Variants in CTBP1 observed in about 807,000 individuals in gnomAD.
The protein encoded by CTBP1 is C-terminal-binding protein 1.
Under a neutral mutation model 42.1 loss-of-function variants are expected in CTBP1, and 11 were observed. That is an observed-to-expected ratio of 0.26 (90% CI 0.16 to 0.43). CTBP1 has a LOEUF of 0.43. Among genes scored for constraint, CTBP1 ranks in the 20% least tolerant of loss-of-function variants. The pLI is 1.00. For synonymous variants in CTBP1, 324 were observed against 277.1 expected (o/e 1.17, Z -1.68); for missense variants, 399 against 624.3 (o/e 0.64, Z 3.85).
intron 5 of CTBP1, chr4:1,216,899 C>T (rs1199874475): frequency 6.5e-6 from 1 of 154,376 alleles, no homozygotes; most frequent in Non-Finnish European, 1.4e-5. Flanking sequence ...AACAGCATGG[C>T]TGCAAAGGAC....
Position 1,212,312 on chromosome 4 carries a change from CG to C in CTBP1, c.1217del (p.Pro406ArgfsTer96). 2.4e-6 allele frequency: 1 copy of C among 419,708 alleles called. No homozygotes were observed. The highest frequency in any genetic ancestry group is 4.4e-6 in the Non-Finnish European group (1 of 227,922). 26.0% of individuals were successfully genotyped at this position (419,708 alleles called of 1,614,324 possible). On this transcript the variant is annotated frameshift_variant, in exon 10 of 10. Coordinates refer to ENST00000382952, the MANE Select transcript of CTBP1 (RefSeq NM_001012614.2). LOFTEE classifies it high-confidence loss of function. ...LSHGLPPVAHPPHAPSPGQTV... is the reference protein window; with the variant it reads ...LSHGLPPVAHXPHAPSPGQTV... ...TTTGGCCAGGAGAAGGGGCGTGGGGCGGGTGGGCCACAGGGGGCAGGCCGTG... is the reference window on the plus strand; with the variant it reads ...TTTGGCCAGGAGAAGGGGCGTGGGGCGGTGGGCCACAGGGGGCAGGCCGTG...
chr4:1,233,481 C>T lies in CTBP1; in HGVS notation c.162+4702G>A, dbSNP rs549705480. ...CTGTGCCCTCCCGGAGCCGCCCTGCCGCTCCAGGCCCCGCAGCCCACACCG... is the reference window on the plus strand; with the variant it reads ...CTGTGCCCTCCCGGAGCCGCCCTGCTGCTCCAGGCCCCGCAGCCCACACCG... On this transcript the variant is annotated intron_variant, in intron 3 of 9. Transcript: ENST00000382952. This position sits in a 1 kb window ranked among gnomAD's most constrained non-coding sequence, Gnocchi z 4.6. 1.4e-4 allele frequency among the ~76,000 whole-genome samples: 21 copies of T among 152,316 alleles called. No homozygotes were observed. The East Asian group carries it at 1.5e-3, about 11-fold the overall frequency.
chr4:1,215,903 G>A, intron 6 of CTBP1, 88 bp downstream of exon 6: 2 of 1,397,012 alleles, frequency 1.4e-6, no homozygotes, highest in Non-Finnish European at 1.9e-6. Context: ...TTGCCCAGGT[G>A]CAGATGGCTG....
intron 1 of CTBP1, chr4:1,248,679 G>T (rs1207298049): frequency 2.0e-6 from 2 of 983,014 alleles, no homozygotes; most frequent in Non-Finnish European, 2.4e-6. Flanking sequence ...GCCGCGGGCG[G>T]GGAGAGCAGA....
At chr4:1,227,888 G>A (rs982327218) in intron 4 of CTBP1, among the ~76,000 whole-genome samples, 5 of 152,186 alleles carry the variant, frequency 3.3e-5, no homozygotes, top group African/African-American at 1.2e-4. Flanking sequence ...TACACTGACG[G>A]CCCTGCCCTC....
intron 1 of CTBP1, chr4:1,244,069 G>A (rs1302517077): frequency 1.0e-6 from 1 of 985,296 alleles, no homozygotes; most frequent in Non-Finnish European, 1.2e-6. Flanking sequence ...GCAGCCCCCA[G>A]GTTCTCTGGA....
In CTBP1 at chr4:1,212,082, G is replaced by A. The variant is rs1229425802; in HGVS notation, c.*158C>T. 3.8e-6 allele frequency: 2 copies of A among 528,000 alleles called. No individual in the cohort carries two copies. The highest frequency in any genetic ancestry group is 6.2e-6 in the Non-Finnish European group (2 of 325,104). 32.7% of individuals were successfully genotyped at this position (528,000 alleles called of 1,614,324 possible). On this transcript the variant is annotated 3_prime_UTR_variant, in exon 10 of 10. Coordinates refer to ENST00000382952, the MANE Select transcript of CTBP1 (RefSeq NM_001012614.2). ...GCGCCCACAGGACGGACGACGACAA[G>A]CGACACGAGGCCCAGCGCTGCCCCC...
rs1324358599 is a variant in CTBP1 at position 1,248,966 on chromosome 4, G to T, written c.-239C>A. ...GTGCGAGCTGCCCATCGAGAGGCGC[G>T]AGCGGCCGCGGGCCCCGACCACTCC... On this transcript the variant is annotated 5_prime_UTR_variant, in exon 1 of 10. Transcript: ENST00000382952. 90 of 998,406 alleles carry T rather than the reference G, an allele frequency of 9.0e-5. No individual in the cohort carries two copies. The highest frequency in any genetic ancestry group is 1.1e-4 in the South Asian group (3 of 28,314). The allele number at this position is 998,406 out of a possible 1,614,324, so 61.8% of individuals were successfully genotyped here.
At chr4:1,245,401 TG>T in intron 1 of CTBP1, 2 of 985,370 alleles carry the variant, frequency 2.0e-6, no homozygotes, top group Non-Finnish European at 2.4e-6. Context: ...CTACCACATG[TG>T]GGGTATCAGG....
In CTBP1 at chr4:1,222,243, A is replaced by T. The variant is rs1019510532; in HGVS notation, c.514+3117T>A. 4.6e-5 allele frequency among the ~76,000 whole-genome samples: 7 copies of T among 152,044 alleles called. No individual in the cohort carries two copies. The East Asian group carries it at 1.4e-3, about 29-fold the overall frequency. On this transcript the variant is annotated intron_variant, in intron 5 of 9. Transcript: ENST00000382952. ...GACGGGACGCAGGTGTTCTGCAGTC[A>T]AGGGTGCCAGGTGGGCAGCCGGGGT... is the stretch of plus-strand genomic sequence containing the variant.
chr4:1,218,492 G>C (rs2108726627), intron 5 of CTBP1: 1 of 152,284 alleles, frequency 6.6e-6, no homozygotes, highest in South Asian at 2.1e-4. Context: ...ACAGTCTTTA[G>C]GCTACAGGAA....
intron 5 of CTBP1, chr4:1,223,540 C>T (rs1210341995): frequency 2.2e-6 from 1 of 455,164 alleles, no homozygotes; most frequent in Non-Finnish European, 4.4e-6. Flanking sequence ...GGGGGGCCGG[C>T]CGGTCAAGGG....
chr4:1,248,555 C>T (rs1468487377), intron 1 of CTBP1: 4 of 432,008 alleles, frequency 9.3e-6, no homozygotes, highest in African/African-American at 6.4e-5. Context: ...GGGTAGCGGC[C>T]GGGGATCGGG....
intron 1 of CTBP1, chr4:1,242,728 C>A (rs1374542832): frequency 1.0e-6 from 1 of 985,108 alleles, no homozygotes; most frequent in Non-Finnish European, 1.2e-6. Context: ...TGCGCCTGAG[C>A]CCCCATGACC....
At chr4:1,248,010 G>C (rs1466722187) in intron 1 of CTBP1, among the ~76,000 whole-genome samples, 2 of 152,250 alleles carry the variant, frequency 1.3e-5, no homozygotes, top group East Asian at 1.9e-4. Flanking sequence ...GGCCGCCAGA[G>C]AACGCTCCAG....
chr4:1,243,858 T>C (rs1454337905), intron 1 of CTBP1: 51 of 985,338 alleles, frequency 5.2e-5, no homozygotes, highest in Non-Finnish European at 6.0e-5. Flanking sequence ...CACACGGCTC[T>C]CAGCCCAGCG....
chr4:1,215,848 G>T, intron 6 of CTBP1, 143 bp downstream of exon 6: 1 of 828,866 alleles, frequency 1.2e-6, no homozygotes, highest in Non-Finnish European at 1.9e-6. Flanking sequence ...GCTTCCCCCA[G>T]CAGGGCTGGC....
At chr4:1,221,446 G>C (rs1729723697) in intron 5 of CTBP1, 1 of 154,846 alleles carries the variant, frequency 6.5e-6, no homozygotes, top group African/African-American at 2.4e-5. Context: ...AAAAAAGACG[G>C]GCAGAAATGT....
At position 1,224,441 on chromosome 4, in the gene CTBP1, G is replaced by A. The variant is rs112079362; in HGVS notation, c.514+919C>T. On this transcript the variant is annotated intron_variant, in intron 5 of 9. Transcript: ENST00000382952. Reference sequence around the variant, plus strand: ...TGAGGCTGTGTGTACTGTGACATCTGTGTGTTATCTGTGCGTGCCCATGAG... The same window carrying A: ...TGAGGCTGTGTGTACTGTGACATCTATGTGTTATCTGTGCGTGCCCATGAG... 7.3e-3 allele frequency among the ~76,000 whole-genome samples: 1,100 copies of A among 151,684 alleles called. 10 individuals are homozygous for A. Among genetic ancestry groups the A allele is most frequent in the African/African-American group, 0.025 (1,021 of 41,306 alleles).
Sources: gnomAD v4.1 joint callset for allele counts (sites outside exome capture counted in the v4.1 genomes callset) on GRCh38, gnomAD v4.1.1 for gene constraint, Gnocchi (gnomAD v3.1) non-coding constraint, MANE v1.5 for transcripts, NCBI Gene and HGNC (gene_info 2026-07-23, HGNC 2026-07-21) for gene names.